The following CNTNAP2 variants were observed in gnomAD, a reference collection of about 807,000 sequenced individuals.
CNTNAP2 encodes the protein contactin-associated protein-like 2.
CNTNAP2 carries 98 observed loss-of-function variants against 155.2 expected under a neutral mutation model. The ratio of observed to expected loss-of-function variants is 0.63; its 90% CI spans 0.54 to 0.75. The LOEUF (loss-of-function observed/expected upper bound fraction) is 0.75, where lower values mean the gene tolerates loss of function less well. Among genes scored for constraint, CNTNAP2 ranks in the 30% least tolerant of loss-of-function variants. CNTNAP2 has a pLI of 0.00. For synonymous variants in CNTNAP2, 651 were observed against 631.2 expected, an observed-to-expected ratio of 1.03 and a Z score of -0.47; for missense variants, 1,727 against 1,688.1, an observed-to-expected ratio of 1.02 and a Z score of -0.40.
At chr7:148,218,063 T>TTA (rs2116758461) in intron 19 of CNTNAP2, among the ~76,000 whole-genome samples, 1 of 152,328 alleles carries the variant, frequency 6.6e-6, no homozygotes, top group South Asian at 2.1e-4. Context: ...ATGTCAAGGC[T>TTA]TATAGTGAGC....
At chr7:146,227,641 T>C (rs1799318109) in intron 1 of CNTNAP2, among the ~76,000 whole-genome samples, 1 of 152,092 alleles carries the variant, frequency 6.6e-6, no homozygotes, top group Admixed American at 6.5e-5. Context: ...TGAAAGAAAG[T>C]GTCAATAAAA....
chr7:147,260,384 C>A (rs1391374460), intron 8 of CNTNAP2, among the ~76,000 whole-genome samples: 1 of 152,096 alleles, frequency 6.6e-6, no homozygotes, highest in Non-Finnish European at 1.5e-5. Flanking sequence ...AAGCCTATAC[C>A]TCTGAGTCAA....
chr7:146,591,558 G>T (rs145266317), intron 1 of CNTNAP2, among the ~76,000 whole-genome samples: 2 of 152,310 alleles, frequency 1.3e-5, no homozygotes, highest in East Asian at 1.9e-4. Flanking sequence ...TGAGGAGACT[G>T]TAGAGCAGTT....
At chr7:146,928,273 G>A (rs1461412703) in intron 3 of CNTNAP2, among the ~76,000 whole-genome samples, 1 of 152,088 alleles carries the variant, frequency 6.6e-6, no homozygotes, top group Non-Finnish European at 1.5e-5. Context: ...TATCATTTAA[G>A]TTCCTCTTTA....
intron 16 of CNTNAP2, among the ~76,000 whole-genome samples, chr7:148,141,671 T>C (rs190236466): frequency 2.0e-3 from 300 of 152,326 alleles, no homozygotes; most frequent in African/African-American, 6.5e-3. Context: ...ACCACATATA[T>C]ATTATTCCAG....
chr7:148,114,199 T>C (rs542047561), intron 15 of CNTNAP2, among the ~76,000 whole-genome samples: 1 of 152,210 alleles, frequency 6.6e-6, no homozygotes, highest in East Asian at 1.9e-4. Flanking sequence ...CTATAGGGAG[T>C]TATAGAAATA....
At chr7:146,632,280 TA>T (rs1799523173) in intron 1 of CNTNAP2, among the ~76,000 whole-genome samples, 1 of 152,184 alleles carries the variant, frequency 6.6e-6, no homozygotes. Flanking sequence ...GGATTTGATA[TA>T]AAAAACTACA....
At chr7:146,749,398 C>T (rs1414658978) in intron 1 of CNTNAP2, among the ~76,000 whole-genome samples, 1 of 152,174 alleles carries the variant, frequency 6.6e-6, no homozygotes, top group South Asian at 2.1e-4. Context: ...GACTCAATCT[C>T]ATGGACAAGT....
At chr7:147,920,261 C>A (rs936767935) in intron 14 of CNTNAP2, among the ~76,000 whole-genome samples, 1 of 143,422 alleles carries the variant, frequency 7.0e-6, no homozygotes. Context: ...GAGACTGAGG[C>A]AGGAGAATCA....
chr7:147,876,392 T>G (rs1464073226), intron 13 of CNTNAP2, among the ~76,000 whole-genome samples: 1 of 152,208 alleles, frequency 6.6e-6, no homozygotes, highest in Non-Finnish European at 1.5e-5. Flanking sequence ...TAAATGTATA[T>G]TGCTCAGCCA....
chr7:146,457,083 G>A (rs746630143), intron 1 of CNTNAP2, among the ~76,000 whole-genome samples: 7 of 151,888 alleles, frequency 4.6e-5, no homozygotes, highest in Non-Finnish European at 1.0e-4. Context: ...TGCAGATTTT[G>A]ATGTGGAAAG....
intron 8 of CNTNAP2, among the ~76,000 whole-genome samples, chr7:147,170,394 T>G (rs1031070926): frequency 4.6e-4 from 70 of 152,298 alleles, no homozygotes; most frequent in South Asian, 2.1e-4. Context: ...CGGAAGCCAC[T>G]GCTGATCACC....
At chr7:146,609,928 T>G (rs1468758116) in intron 1 of CNTNAP2, among the ~76,000 whole-genome samples, 1 of 152,124 alleles carries the variant, frequency 6.6e-6, no homozygotes, top group Non-Finnish European at 1.5e-5. Context: ...ACATGGTAGA[T>G]AAGTAAATAA....
rs143276003 is a variant in CNTNAP2 at position 147,154,779 on chromosome 7, A to T, written c.1348+22270A>T. On this transcript the variant is annotated intron_variant, in intron 8 of 23. Coordinates refer to ENST00000361727, the MANE Select transcript of CNTNAP2 (RefSeq NM_014141.6). ...GTCTCCAAGAAGGTTTCAAACTACT[A>T]ATCATTGAATGTTTAAAATACTTGA... is the stretch of plus-strand genomic sequence containing the variant. 1.3e-5 allele frequency among the ~76,000 whole-genome samples: 2 copies of T among 152,282 alleles called. 1 individual carries two copies. Among genetic ancestry groups the T allele is most frequent in the South Asian group, 4.1e-4 (2 of 4,826 alleles).
At chr7:146,830,322 G>A (rs984772955) in intron 2 of CNTNAP2, among the ~76,000 whole-genome samples, 18 of 151,978 alleles carry the variant, frequency 1.2e-4, no homozygotes, top group African/African-American at 4.3e-4. Context: ...GAAAAGGACG[G>A]TGATTTTTGA....
At chr7:147,971,247 A>G (rs1164345919) in intron 14 of CNTNAP2, among the ~76,000 whole-genome samples, 1 of 152,202 alleles carries the variant, frequency 6.6e-6, no homozygotes, top group African/African-American at 2.4e-5. Flanking sequence ...GCCAATTGGC[A>G]TTTGAGACTA....
chr7:146,535,830 G>A lies in CNTNAP2; in HGVS notation c.98-238441G>A, dbSNP rs150326193. 6.1e-3 allele frequency among the ~76,000 whole-genome samples: 933 copies of A among 152,026 alleles called. 4 individuals carry two copies. The highest frequency in any genetic ancestry group is 0.011 in the Non-Finnish European group (728 of 67,982). On this transcript the variant is annotated intron_variant, in intron 1 of 23. Transcript: ENST00000361727. ...CCGTATTTATGTCCAAAAAGTATGT[G>A]TTAAAAAACGGTTCATCTCACATTG...
intron 1 of CNTNAP2, among the ~76,000 whole-genome samples, chr7:146,191,528 G>A (rs13224076): frequency 0.25 from 38,253 of 151,930 alleles, 5,051 homozygotes; most frequent in Middle Eastern, 0.34. Flanking sequence ...AATTTGCTAG[G>A]CAGGAATTTC....
chr7:148,323,674 A>G (rs897827849), intron 21 of CNTNAP2, among the ~76,000 whole-genome samples: 5 of 152,116 alleles, frequency 3.3e-5, no homozygotes, highest in Non-Finnish European at 7.3e-5. Flanking sequence ...CTAAAATCTA[A>G]TAGTCACCAT....
Sources: allele counts gnomAD v4.1 joint callset (sites outside exome capture counted in the v4.1 genomes callset), GRCh38; gene constraint gnomAD v4.1.1; transcripts MANE v1.5; gene names NCBI Gene and HGNC (gene_info 2026-07-23, HGNC 2026-07-21).